Variants in TEAD4 observed in about 807,000 individuals in gnomAD.
The protein encoded by TEAD4 is TEA domain transcription factor 4, also known as transcriptional enhancer factor TEF-3.
Under a neutral mutation model 52.4 loss-of-function variants are expected in TEAD4, and 36 were observed. The ratio of observed to expected loss-of-function variants is 0.69; its 90% CI spans 0.53 to 0.91. TEAD4 has a LOEUF of 0.91. TEAD4 is among the 40% of genes least tolerant of loss of function. The probability of loss-of-function intolerance (pLI) is 0.00; values close to 1 mark genes in which losing one functional copy is unlikely to be tolerated. For synonymous variants in TEAD4, 220 were observed against 231.0 expected, an observed-to-expected ratio of 0.95 and a Z score of 0.43; for missense variants, 508 against 583.9, an observed-to-expected ratio of 0.87 and a Z score of 1.34.
intron 2 of TEAD4, among the ~76,000 whole-genome samples, chr12:2,965,839 C>T (rs535017217): frequency 4.4e-4 from 67 of 152,200 alleles, no homozygotes; most frequent in African/African-American, 1.3e-3. Flanking sequence ...CCACCGCGCC[C>T]GGCCATAAAT....
Position 2,994,144 on chromosome 12 carries a change from G to A in TEAD4, c.-29-594G>A, listed in dbSNP as rs574686729. On this transcript the variant is annotated intron_variant, in intron 2 of 12. Transcript: ENST00000359864. This position sits in a 1 kb window ranked among gnomAD's most constrained non-coding sequence, Gnocchi z 4.7. ...GGCTGGAGTGTAGTGGCGGGATCTC[G>A]GCTCACTGCAACCTCTGCTTCTCGG... 6.6e-6 allele frequency among the ~76,000 whole-genome samples: 1 copy of A among 152,118 alleles called. No homozygotes were observed. The highest frequency in any genetic ancestry group is 1.9e-4 in the East Asian group (1 of 5,168).
intron 3 of TEAD4, among the ~76,000 whole-genome samples, chr12:3,003,273 G>A (rs532667237): frequency 4.6e-5 from 7 of 152,188 alleles, no homozygotes; most frequent in African/African-American, 1.2e-4. Flanking sequence ...AATAGCATTC[G>A]TTATAATAGG....
In TEAD4 at chr12:3,010,994, G is replaced by A. The variant is rs564733372; in HGVS notation, c.227-10G>A. On this transcript the variant is annotated splice_polypyrimidine_tract_variant and intron_variant, in intron 3 of 12. Transcript: ENST00000359864. The stretch of plus-strand genomic sequence containing the variant: ...TTCTCTCCACTGAGAGGCTGCTGGT[G>A]TCTCTGCAGGTCGGAACGAGCTGAT... 1 of 1,614,066 alleles carries A rather than the reference G, an allele frequency of 6.2e-7. No individual in the cohort carries two copies. The highest frequency in any genetic ancestry group is 1.1e-5 in the South Asian group (1 of 91,086).
chr12:2,960,209 G>A, intron 2 of TEAD4, 169 bp downstream of exon 2: 2 of 835,996 alleles, frequency 2.4e-6, no homozygotes, highest in Non-Finnish European at 2.9e-6. Flanking sequence ...AAGGGGGGTG[G>A]ACACTCGGGA....
chr12:2,971,391 G>A (rs755527721), intron 2 of TEAD4, among the ~76,000 whole-genome samples: 6 of 152,064 alleles, frequency 3.9e-5, no homozygotes, highest in Non-Finnish European at 5.9e-5. Flanking sequence ...TGATTTGAGG[G>A]CTATTGTCAT....
chr12:2,968,899 T>G (rs563895461), intron 2 of TEAD4, among the ~76,000 whole-genome samples: 26 of 152,188 alleles, frequency 1.7e-4, no homozygotes, highest in Non-Finnish European at 3.4e-4. Context: ...CAAGCGATCC[T>G]CCAGCTTCAG....
chr12:3,022,360 C>T (rs781082966), intron 10 of TEAD4, among the ~76,000 whole-genome samples: 8 of 152,148 alleles, frequency 5.3e-5, no homozygotes, highest in African/African-American at 1.7e-4. Context: ...TGACTAGGAG[C>T]GCCCTTGTCA....
intron 10 of TEAD4, among the ~76,000 whole-genome samples, chr12:3,037,091 G>A (rs1038237011): frequency 6.6e-6 from 1 of 152,140 alleles, no homozygotes; most frequent in African/African-American, 2.4e-5. Context: ...GAGGCCCCCT[G>A]GGCTCTGTTT....
intron 10 of TEAD4, 34 bp downstream of exon 10, chr12:3,022,051 C>A (rs991873374): frequency 6.2e-7 from 1 of 1,608,946 alleles, no homozygotes; most frequent in Admixed American, 1.7e-5. Flanking sequence ...TTCCTGCCAC[C>A]AGCGTGTCCG....
At chr12:3,012,858 C>T (rs917909658) in intron 5 of TEAD4, among the ~76,000 whole-genome samples, 2 of 152,148 alleles carry the variant, frequency 1.3e-5, no homozygotes, top group African/African-American at 4.8e-5. Context: ...GGAGTGAGCT[C>T]TCCATCAGGG....
intron 8 of TEAD4, among the ~76,000 whole-genome samples, chr12:3,020,404 A>C (rs1280090920): frequency 6.6e-6 from 1 of 151,708 alleles, no homozygotes; most frequent in Non-Finnish European, 1.5e-5. Flanking sequence ...CAGAGTGCTG[A>C]GTGGCCCGAG....
At chr12:2,989,627 CAG>C (rs934305189) in intron 2 of TEAD4, among the ~76,000 whole-genome samples, 30 of 151,982 alleles carry the variant, frequency 2.0e-4, no homozygotes, top group African/African-American at 6.8e-4. Context: ...TTAGTAGAGA[CAG>C]GGGTCTCACT....
chr12:3,031,149 C>T (rs1267032736), intron 10 of TEAD4, among the ~76,000 whole-genome samples: 1 of 152,234 alleles, frequency 6.6e-6, no homozygotes, highest in East Asian at 1.9e-4. Context: ...GGAACCTGTA[C>T]AGCTGGCAGT....
At chr12:3,029,419 T>G (rs1030929857) in intron 10 of TEAD4, among the ~76,000 whole-genome samples, 13 of 152,076 alleles carry the variant, frequency 8.5e-5, no homozygotes, top group Non-Finnish European at 1.9e-4. Flanking sequence ...TTTGTATTTT[T>G]AGTAGAGACG....
Position 2,994,340 on chromosome 12 carries a change from T to G in TEAD4, c.-29-398T>G, listed in dbSNP as rs1015452221. Among the ~76,000 whole-genome samples the G allele has an allele frequency of 4.6e-5, 7 of 152,154 alleles. No individual in the cohort carries two copies. Among genetic ancestry groups the G allele is most frequent in the South Asian group, 4.1e-4 (2 of 4,828 alleles). On this transcript the variant is annotated intron_variant, in intron 2 of 12. Transcript: ENST00000359864. The surrounding 1 kb of genome is among the most constrained non-coding windows in gnomAD (Gnocchi z 4.7). ...ATCTGCCTGCCTCAGCCTCCCAGAG[T>G]GCTGGGATTACAGGCGTGAGCCACA... is the stretch of plus-strand genomic sequence containing the variant.
chr12:3,018,037 C>T (rs2098265839), intron 6 of TEAD4, among the ~76,000 whole-genome samples: 3 of 152,224 alleles, frequency 2.0e-5, no homozygotes, highest in Admixed American at 6.5e-5. Context: ...GAGCTGTCTC[C>T]TCACAGGGGC....
At chr12:3,004,684 T>A (rs61114884) in intron 3 of TEAD4, among the ~76,000 whole-genome samples, 18,445 of 152,234 alleles carry the variant, frequency 0.12, 2,223 homozygotes, top group African/African-American at 0.31. Flanking sequence ...CAGATAAAGC[T>A]GTCACAGGAT....
Position 3,040,524 on chromosome 12 carries a change from A to C in TEAD4, c.*46A>C. The C allele has an allele frequency of 2.6e-6, 4 of 1,561,634 alleles. No homozygotes were observed. Among genetic ancestry groups the C allele is most frequent in the Non-Finnish European group, 3.5e-6 (4 of 1,136,812 alleles). ...GGGGGAAGAGACGTGTGTGCAGGAA[A>C]CGGGGACGTGGGGAGGGGACCTGCA... is the stretch of plus-strand genomic sequence containing the variant. On this transcript the variant is annotated 3_prime_UTR_variant, in exon 13 of 13. Transcript: ENST00000359864.
At chr12:3,029,571 G>C (rs1385606173) in intron 10 of TEAD4, among the ~76,000 whole-genome samples, 1 of 151,946 alleles carries the variant, frequency 6.6e-6, no homozygotes, top group African/African-American at 2.4e-5. Context: ...TTTTTATAGA[G>C]GGTGTCACTA....
Sources: allele counts gnomAD v4.1 joint callset (sites outside exome capture counted in the v4.1 genomes callset), GRCh38; gene constraint gnomAD v4.1.1; non-coding constraint Gnocchi (gnomAD v3.1); transcripts MANE v1.5; gene names NCBI Gene and HGNC (gene_info 2026-07-23, HGNC 2026-07-21).